PPP1R21: variants seen among roughly 807,000 people sequenced by gnomAD.
PPP1R21 encodes the protein protein phosphatase 1 regulatory subunit 21.
A neutral mutation model predicts 112.8 loss-of-function variants in PPP1R21; 85 were observed. The ratio of observed to expected loss-of-function variants is 0.75; its 90% CI spans 0.63 to 0.90. The LOEUF is 0.90. Among genes scored for constraint, PPP1R21 ranks in the 40% least tolerant of loss-of-function variants. The pLI is 0.00. For missense variants in PPP1R21, 1,199 were observed against 901.5 expected, an observed-to-expected ratio of 1.33 and a Z score of -4.23; for synonymous variants, 381 against 322.3, an observed-to-expected ratio of 1.18 and a Z score of -1.95.
chr2:48,500,042 A>AATC (rs1321321316), intron 17 of PPP1R21, among the ~76,000 whole-genome samples: 1 of 152,116 alleles, frequency 6.6e-6, no homozygotes, highest in Non-Finnish European at 1.5e-5. Context: ...TTTACTCCTG[A>AATC]AGCTCACTGA....
chr2:48,454,407 GTTTAGCCAAAAGATTATC>G, intron 2 of PPP1R21, 170 bp from the exon 3 acceptor site: 2 of 632,314 alleles, frequency 3.2e-6, no homozygotes, highest in South Asian at 4.1e-5. Flanking sequence ...TATTTACTTG[GTTTAGCCAAAAGATTATC>G]TTTTCACAAA....
intron 12 of PPP1R21, among the ~76,000 whole-genome samples, chr2:48,476,522 G>A (rs944484726): frequency 6.6e-6 from 1 of 152,196 alleles, no homozygotes; most frequent in Non-Finnish European, 1.5e-5. Context: ...TTGAGGAGCT[G>A]CTGGAGTGTT....
chr2:48,461,551 T>G (rs916763037), intron 7 of PPP1R21, among the ~76,000 whole-genome samples: 33 of 152,126 alleles, frequency 2.2e-4, no homozygotes. Flanking sequence ...AAATTGTTGA[T>G]TGGGGTGGGG....
At chr2:48,452,182 G>A (rs144188850) in intron 2 of PPP1R21, among the ~76,000 whole-genome samples, 68 of 152,302 alleles carry the variant, frequency 4.5e-4, no homozygotes, top group African/African-American at 1.6e-3. Flanking sequence ...TTCCTTGTTT[G>A]TCCTAGTAGC....
chr2:48,507,037 T>TA (rs755287326), intron 18 of PPP1R21, among the ~76,000 whole-genome samples: 17 of 152,160 alleles, frequency 1.1e-4, no homozygotes, highest in Non-Finnish European at 2.1e-4. Flanking sequence ...TTCAGTTCTG[T>TA]TTTCTTGAAG....
At chr2:48,492,401 T>G (rs1286531374) in intron 15 of PPP1R21, among the ~76,000 whole-genome samples, 1 of 152,228 alleles carries the variant, frequency 6.6e-6, no homozygotes, top group Non-Finnish European at 1.5e-5. Flanking sequence ...TGCTTTTTTT[T>G]GTTTAAAATA....
At chr2:48,489,172 C>G (rs941242505) in intron 14 of PPP1R21, among the ~76,000 whole-genome samples, 19 of 152,108 alleles carry the variant, frequency 1.2e-4, no homozygotes, top group Non-Finnish European at 2.5e-4. Context: ...ATACAATATT[C>G]TTTAATGTAT....
At chr2:48,509,912 G>A in intron 19 of PPP1R21, 103 bp from the exon 20 acceptor site, 1 of 664,276 alleles carries the variant, frequency 1.5e-6, no homozygotes, top group Admixed American at 2.8e-5. Flanking sequence ...TGGAATGAAT[G>A]AGTAGCTTTG....
chr2:48,462,747 C>T (rs953501494), intron 7 of PPP1R21, among the ~76,000 whole-genome samples: 1 of 152,018 alleles, frequency 6.6e-6, no homozygotes, highest in Admixed American at 6.6e-5. Context: ...AGTTTTTGAG[C>T]CAGGGAACAT....
intron 1 of PPP1R21, among the ~76,000 whole-genome samples, chr2:48,447,864 C>A (rs939781211): frequency 9.9e-5 from 15 of 152,108 alleles, no homozygotes; most frequent in Admixed American, 9.8e-4. Context: ...GCAGGAGAAT[C>A]GCTTGAACCC....
intron 20 of PPP1R21, among the ~76,000 whole-genome samples, chr2:48,511,053 G>A (rs1288490512): frequency 2.0e-5 from 3 of 152,092 alleles, no homozygotes; most frequent in African/African-American, 7.2e-5. Context: ...AAAAATTGAT[G>A]TAAATAGTTG....
At chr2:48,444,901 G>C (rs886833891) in intron 1 of PPP1R21, among the ~76,000 whole-genome samples, 1 of 150,164 alleles carries the variant, frequency 6.7e-6, no homozygotes, top group Non-Finnish European at 1.5e-5. Context: ...CAGCAGGAAA[G>C]CCAAACATCC....
intron 7 of PPP1R21, among the ~76,000 whole-genome samples, chr2:48,461,556 G>T (rs1196535044): frequency 6.6e-6 from 1 of 152,146 alleles, no homozygotes; most frequent in African/African-American, 2.4e-5. Flanking sequence ...GTTGATTGGG[G>T]TGGGGGAAAT....
At position 48,475,879 on chromosome 2, in the gene PPP1R21, G is replaced by A. The variant is rs563528498; in HGVS notation, c.1225+1060G>A. On this transcript the variant is annotated intron_variant, in intron 12 of 21. Coordinates refer to ENST00000294952, the MANE Select transcript of PPP1R21 (RefSeq NM_001135629.3). ...AAAAGTATTTTTGGGTAACTGAATG[G>A]ACCTCATTTTAAATGACATTTTTAA... 4.6e-5 allele frequency among the ~76,000 whole-genome samples: 7 copies of A among 152,072 alleles called. No individual in the cohort carries two copies. In the South Asian group the frequency reaches 6.2e-4, roughly 14 times the overall value.
intron 17 of PPP1R21, among the ~76,000 whole-genome samples, chr2:48,503,272 T>C (rs141326315): frequency 3.5e-3 from 530 of 152,294 alleles, no homozygotes; most frequent in African/African-American, 0.012. Context: ...AAATTTCATA[T>C]ATAGTTGACA....
At chr2:48,494,706 G>A (rs551772976) in intron 15 of PPP1R21, among the ~76,000 whole-genome samples, 6 of 148,382 alleles carry the variant, frequency 4.0e-5, no homozygotes, top group Admixed American at 6.7e-5. Flanking sequence ...ATGAGCCACC[G>A]TGCCTGGCCT....
Position 48,451,041 on chromosome 2 carries a change from G to C in PPP1R21, c.91G>C (p.Val31Leu). 6.2e-7 allele frequency: 1 copy of C among 1,613,858 alleles called. No homozygotes were observed. Among genetic ancestry groups the C allele is most frequent in the Middle Eastern group, 1.6e-4 (1 of 6,062 alleles). ...TCAGAATCAGGTTCTGAAAAAAGGTGTTGTGGATGAACAAGCAAATTCTGC... is the reference window on the plus strand; with the variant it reads ...TCAGAATCAGGTTCTGAAAAAAGGTCTTGTGGATGAACAAGCAAATTCTGC... ...RAQNQVLKKG[V>L]VDEQANSAAL... Residue 31 changes from valine to leucine, a missense_variant, in exon 2 of 22, where the codon GTT (valine) becomes CTT (leucine). By Grantham distance (32) the Val-to-Leu change is conservative (BLOSUM62 1). Transcript: ENST00000294952.
At chr2:48,472,962 T>A (rs1668589661) in intron 11 of PPP1R21, among the ~76,000 whole-genome samples, 1 of 138,728 alleles carries the variant, frequency 7.2e-6, no homozygotes. Flanking sequence ...AAAGAATGTA[T>A]AAGTAATTAT....
At chr2:48,483,146 A>G (rs927221820) in intron 13 of PPP1R21, among the ~76,000 whole-genome samples, 4 of 144,840 alleles carry the variant, frequency 2.8e-5, no homozygotes, top group African/African-American at 1.0e-4. Context: ...ATAGTGTTCT[A>G]TGACGTATAC....
Sources: gnomAD v4.1 joint callset for allele counts (sites outside exome capture counted in the v4.1 genomes callset) on GRCh38, gnomAD v4.1.1 for gene constraint, MANE v1.5 for transcripts, NCBI Gene and HGNC (gene_info 2026-07-23, HGNC 2026-07-21) for gene names.